Variants in ZNF335 observed in about 807,000 individuals in gnomAD.
ZNF335 encodes NRC-interacting factor 1.
A neutral mutation model predicts 145.6 loss-of-function variants in ZNF335; 84 were observed. The ratio of observed to expected loss-of-function variants is 0.58; its 90% CI spans 0.48 to 0.69. ZNF335 has a LOEUF of 0.69. ZNF335 is among the 30% of genes least tolerant of loss of function. ZNF335 has a pLI of 0.00. For synonymous variants in ZNF335, 761 were observed against 717.0 expected (o/e 1.06, Z -0.98); for missense variants, 1,865 against 1,809.7 (o/e 1.03, Z -0.55).
chr20:45,952,790 A>C (rs2083659729), intron 18 of ZNF335, 81 bp from the exon 19 acceptor site: 1 of 1,299,588 alleles, frequency 7.7e-7, no homozygotes, highest in African/African-American at 1.5e-5. Flanking sequence ...TCAACTGAGG[A>C]GTGACTGTCA....
intron 19 of ZNF335, 38 bp downstream of exon 19, chr20:45,952,560 A>C (rs753951940): frequency 6.2e-7 from 1 of 1,610,598 alleles, no homozygotes; most frequent in South Asian, 1.1e-5. Flanking sequence ...TGAGAAGGGG[A>C]GGGAGGTGGG....
Position 45,967,716 on chromosome 20 carries a change from A to T in ZNF335, c.814+18T>A, listed in dbSNP as rs2145414778. ...CCCTACCCATGCAGTCCAAGCAGGT[A>T]GGCTGCTACTGACGCACCTGGACGG... On this transcript the variant is annotated intron_variant, in intron 5 of 27. Coordinates refer to ENST00000322927, the MANE Select transcript of ZNF335 (RefSeq NM_022095.4). The T allele has an allele frequency of 6.2e-7, 1 of 1,608,286 alleles. No homozygotes were observed. Among genetic ancestry groups the T allele is most frequent in the South Asian group, 1.1e-5 (1 of 90,498 alleles).
chr20:45,960,777 A>AG, intron 11 of ZNF335, 45 bp from the exon 12 acceptor site: 1 of 1,611,740 alleles, frequency 6.2e-7, no homozygotes, highest in Non-Finnish European at 8.5e-7. Flanking sequence ...GAAGTGGAGG[A>AG]GGGAGGATAA....
Position 45,960,119 on chromosome 20 carries a change from GGGAA to G in ZNF335, c.2020+85_2020+88del, listed in dbSNP as rs2083808646. The G allele has an allele frequency of 9.6e-6, 14 of 1,461,618 alleles. No homozygotes were observed. In the South Asian group the frequency reaches 1.8e-4, roughly 18 times the overall value. The allele number at this position is 1,461,618 out of a possible 1,614,324, so 90.5% of individuals were successfully genotyped here. ...TGTTCTGTGGCTGGGGCTACCGAGG[GGGAA>G]GGAAGAGGATGGGAGCTAAGCCTCT... On this transcript the variant is annotated intron_variant, in intron 14 of 27. Coordinates refer to ENST00000322927, the MANE Select transcript of ZNF335 (RefSeq NM_022095.4).
chr20:45,971,669 G>C, intron 1 of ZNF335: 3 of 985,498 alleles, frequency 3.0e-6, no homozygotes, highest in Non-Finnish European at 3.6e-6. Flanking sequence ...TTCCCGGGAG[G>C]GTGGTCAATG....
rs1600514683 is a variant in ZNF335 at position 45,948,881 on chromosome 20, G to A, written c.*72C>T. On this transcript the variant is annotated 3_prime_UTR_variant, in exon 28 of 28. Coordinates refer to ENST00000322927, the MANE Select transcript of ZNF335 (RefSeq NM_022095.4). ...CTGGAGATCCTAAATGAAGAGGGAG[G>A]TGAGTCCTGGTGGCCCCCTACCCCC... The A allele has an allele frequency of 1.7e-5, 28 of 1,605,288 alleles. No homozygotes were observed. Among genetic ancestry groups the A allele is most frequent in the Middle Eastern group, 3.3e-4 (2 of 6,006 alleles).
intron 20 of ZNF335, 127 bp downstream of exon 20, chr20:45,952,020 C>A: frequency 1.5e-6 from 2 of 1,370,848 alleles, no homozygotes; most frequent in Non-Finnish European, 1.9e-6. Flanking sequence ...GGAGTCATCT[C>A]TGACCCATCT....
chr20:45,953,404 G>A lies in ZNF335; in HGVS notation c.2702+285C>T, dbSNP rs551966967. Among the ~76,000 whole-genome samples the A allele has an allele frequency of 5.3e-5, 8 of 152,294 alleles. No individual in the cohort carries two copies. The East Asian group carries it at 1.5e-3, about 29-fold the overall frequency. The stretch of plus-strand genomic sequence containing the variant: ...CCTACTGCATGTGTGGTTTCAGGCT[G>A]GTCACTTAACCTCCCTGGCCCATTT... On this transcript the variant is annotated intron_variant, in intron 18 of 27. Transcript: ENST00000322927.
chr20:45,949,183 G>A lies in ZNF335; in HGVS notation c.3888C>T (p.His1296=), dbSNP rs1279130921. 6.2e-7 allele frequency: 1 copy of A among 1,613,770 alleles called. No homozygotes were observed. The highest frequency in any genetic ancestry group is 1.1e-5 in the South Asian group (1 of 91,066). The stretch of plus-strand genomic sequence containing the variant: ...CCAGCTCCATACCTGTGACAGCTGA[G>A]TGTGCTGCAGCCTCAAGTTGAGCCT... ...VTQAQLEAAA[H]SAVTAVADAA... is the part of the protein sequence containing the mutation. Residue 1296 remains histidine, a synonymous_variant, in exon 27 of 28, where the codon CAC becomes CAT. Transcript: ENST00000322927.
chr20:45,958,398 A>C (rs1023923389), intron 15 of ZNF335, among the ~76,000 whole-genome samples: 1 of 152,220 alleles, frequency 6.6e-6, no homozygotes, highest in African/African-American at 2.4e-5. Context: ...GAACCCACTA[A>C]GGCTCAGAGA....
At chr20:45,958,339 G>A (rs893662623) in intron 15 of ZNF335, among the ~76,000 whole-genome samples, 3 of 152,194 alleles carry the variant, frequency 2.0e-5, no homozygotes, top group African/African-American at 7.2e-5. Flanking sequence ...GGGCCACCAT[G>A]CCCAGCCCAT....
chr20:45,957,838 G>C lies in ZNF335; in HGVS notation c.2344C>G (p.Gln782Glu). 1 of 1,613,830 alleles carries C rather than the reference G, an allele frequency of 6.2e-7. No homozygotes were observed. The highest frequency in any genetic ancestry group is 8.5e-7 in the Non-Finnish European group (1 of 1,179,966). ...TLGGATIIYQ[Q>E]GAEESTAMAT... ...CCTATCCTCCTACAGAGCTCACCTT[G>C]CTGGTAGATGATGGTGGCGCCGCCC... is the stretch of plus-strand genomic sequence containing the variant. The change falls in exon 16 of 28, where the codon CAA becomes GAA. Residue 782 changes from glutamine to glutamate, a missense_variant. By Grantham distance (29) the Gln-to-Glu change is conservative. Transcript: ENST00000322927.
Position 45,969,708 on chromosome 20 carries a change from AG to A in ZNF335, c.202-18del. ...TACCTCCTCCTGAGGGGCATGAAAC[AG>A]GGAGGGAAAAAGTTTAGCAGCTGGG... On this transcript the variant is annotated intron_variant, in intron 2 of 27. Coordinates refer to ENST00000322927, the MANE Select transcript of ZNF335 (RefSeq NM_022095.4). 1.9e-6 allele frequency: 3 copies of A among 1,608,246 alleles called. No individual in the cohort carries two copies. Among genetic ancestry groups the A allele is most frequent in the Non-Finnish European group, 2.5e-6 (3 of 1,177,774 alleles).
rs770783587 is a variant in ZNF335, at chr20:45,957,572, C to A, written c.2442+14G>T. ...CGGTAGCTGGGAAGGGGAGCAGGTTCCCAGGCAGCTCACCTGCAGGGCTGT... is the reference window on the plus strand; with the variant it reads ...CGGTAGCTGGGAAGGGGAGCAGGTTACCAGGCAGCTCACCTGCAGGGCTGT... On this transcript the variant is annotated intron_variant, in intron 17 of 27. Transcript: ENST00000322927. The A allele has an allele frequency of 4.3e-6, 7 of 1,612,202 alleles. No individual in the cohort carries two copies. The South Asian group carries it at 6.6e-5, about 15-fold the overall frequency.
In ZNF335 at chr20:45,952,348, G is replaced by A; in HGVS notation, c.2988C>T (p.Thr996=). 6.2e-7 allele frequency: 1 copy of A among 1,612,692 alleles called. No individual in the cohort carries two copies. The highest frequency in any genetic ancestry group is 1.1e-5 in the South Asian group (1 of 90,944). ...GCACTGCCAGGCCCAGGGCTTTGCT[G>A]GTTGCAGGAGGTGAGGAGGCAGAGC... ...SQSSASSPPA[T]SKALGLAVPP... is the part of the protein sequence containing the mutation. Residue 996 remains threonine, a synonymous_variant, in exon 20 of 28, where the codon ACC becomes ACT. Coordinates refer to ENST00000322927, the MANE Select transcript of ZNF335 (RefSeq NM_022095.4).
rs137901051 is a variant in ZNF335, at chr20:45,963,588, C to T, written c.1418G>A (p.Arg473His). The change falls in exon 9 of 28, where the codon CGC becomes CAC. Residue 473 changes from arginine to histidine, a missense_variant. Transcript: ENST00000322927. Reference sequence around the variant, plus strand: ...GCGCAGGTCCTCGTGGGACAGAAAGCGAGAACCACAGATGCGGCACAGGAA... The same window carrying T: ...GCGCAGGTCCTCGTGGGACAGAAAGTGAGAACCACAGATGCGGCACAGGAA... ...RPFLCRICGS[R>H]FLSHEDLRFH... 420 of 1,614,210 alleles carry T rather than the reference C, an allele frequency of 2.6e-4. No individual in the cohort carries two copies. In the African/African-American group the frequency reaches 4.9e-3, roughly 19 times the overall value.
intron 1 of ZNF335, 33 bp downstream of exon 1, chr20:45,972,089 C>G (rs1475294042): frequency 7.8e-7 from 1 of 1,288,194 alleles, no homozygotes; most frequent in Admixed American, 2.3e-5. Flanking sequence ...CGGCAGGGTA[C>G]GGTGGGGCCG....
rs1372026026 is a variant in ZNF335 at position 45,960,155 on chromosome 20, G to A, written c.2020+53C>T. ...GGATGGGAGCTAAGCCTCTGATCAG[G>A]GGTACAGGGCACTGAGGGCTGGTGA... is the stretch of plus-strand genomic sequence containing the variant. On this transcript the variant is annotated intron_variant, in intron 14 of 27. Coordinates refer to ENST00000322927, the MANE Select transcript of ZNF335 (RefSeq NM_022095.4). 49 of 1,600,290 alleles carry A rather than the reference G, an allele frequency of 3.1e-5. 1 individual carries two copies. Among genetic ancestry groups the A allele is most frequent in the African/African-American group, 1.3e-5 (1 of 74,636 alleles).
At position 45,960,459 on chromosome 20, in the gene ZNF335, C is replaced by T. The variant is rs762115584; in HGVS notation, c.1849G>A (p.Ala617Thr). 13 of 1,614,078 alleles carry T rather than the reference C, an allele frequency of 8.1e-6. No homozygotes were observed. The East Asian group carries it at 2.9e-4, about 36-fold the overall frequency. ...MHLLTHIQAV[A>T]NRRFKCEFCE... Reference sequence around the variant, plus strand: ...TCCAAGGGGATGTACCTGCGGTTGGCAACAGCCTGGATGTGCGTGAGCAGG... The same window carrying T: ...TCCAAGGGGATGTACCTGCGGTTGGTAACAGCCTGGATGTGCGTGAGCAGG... The change falls in exon 13 of 28, where the codon GCC (alanine) becomes ACC (threonine). Residue 617 changes from alanine (A) to threonine (T), a missense_variant. Ala to Thr is a moderately conservative substitution (Grantham distance 58, BLOSUM62 0). Coordinates refer to ENST00000322927, the MANE Select transcript of ZNF335 (RefSeq NM_022095.4).
Sources: allele counts gnomAD v4.1 joint callset (sites outside exome capture counted in the v4.1 genomes callset), GRCh38; gene constraint gnomAD v4.1.1; transcripts MANE v1.5; gene names NCBI Gene and HGNC (gene_info 2026-07-23, HGNC 2026-07-21).